The following CPT2 variants were observed in gnomAD, a reference collection of about 807,000 sequenced individuals.
The protein encoded by CPT2 is carnitine O-palmitoyltransferase 2, mitochondrial.
In CPT2, 37 loss-of-function variants were observed where a neutral mutation model predicts 48.6. The ratio of observed to expected loss-of-function variants is 0.76; its 90% CI spans 0.59 to 1.00. CPT2 has a LOEUF of 1.00. Among genes scored for constraint, CPT2 ranks in the 50% least tolerant of loss-of-function variants. CPT2 has a pLI of 0.00. For missense variants in CPT2, 772 were observed against 825.6 expected, an observed-to-expected ratio of 0.94 and a Z score of 0.80; for synonymous variants, 319 against 326.9, an observed-to-expected ratio of 0.98 and a Z score of 0.26.
At chr1:53,202,483 A>G in intron 3 of CPT2, 54 bp downstream of exon 3, 1 of 1,383,874 alleles carries the variant, frequency 7.2e-7, no homozygotes, top group Non-Finnish European at 1.0e-6. Flanking sequence ...CATAATGAAA[A>G]GTAAGGCATA....
chr1:53,209,827 A>G, intron 3 of CPT2, 188 bp from the exon 4 acceptor site: 1 of 619,398 alleles, frequency 1.6e-6, no homozygotes, highest in South Asian at 2.0e-5. Flanking sequence ...TAAATGCAAA[A>G]CACCATATAT....
chr1:53,202,416 A>G lies in CPT2; in HGVS notation c.327A>G (p.Thr109=). 4 of 1,613,812 alleles carry G rather than the reference A, an allele frequency of 2.5e-6. No individual in the cohort carries two copies. Among genetic ancestry groups the G allele is most frequent in the African/African-American group, 1.3e-5 (1 of 75,046 alleles). ...LVALDKQNKH[T]SYISGPWFDM... ...CTCTGGACAAACAGAATAAACATAC[A>G]AGCTACATTTCGGGTAGGTAGGCTG... Residue 109 remains threonine (T), a synonymous_variant, in exon 3 of 5, where the codon ACA becomes ACG. Coordinates refer to ENST00000371486, the MANE Select transcript of CPT2 (RefSeq NM_000098.3).
Position 53,209,973 on chromosome 1 carries a change from A to T in CPT2, c.341-42A>T, listed in dbSNP as rs773033766. 4 of 1,531,414 alleles carry T rather than the reference A, an allele frequency of 2.6e-6. No individual in the cohort carries two copies. The South Asian group carries it at 4.6e-5, about 17-fold the overall frequency. The allele number at this position is 1,531,414 out of a possible 1,614,324, so 94.9% of individuals were successfully genotyped here. A position where few individuals can be genotyped will look rare whatever the true frequency, so the allele number is the denominator to read the frequency against. On this transcript the variant is annotated intron_variant, in intron 3 of 4. Coordinates refer to ENST00000371486, the MANE Select transcript of CPT2 (RefSeq NM_000098.3). Reference sequence around the variant, plus strand: ...TTCTTCAAATTTTATTTTTAGGGACAGCATTAACATTTTATGTTATTTTTT... The same window carrying T: ...TTCTTCAAATTTTATTTTTAGGGACTGCATTAACATTTTATGTTATTTTTT...
chr1:53,213,638 AAACTGGGAGGCCG>A lies in CPT2; in HGVS notation c.*44_*56del, dbSNP rs757040620. 26 of 1,561,970 alleles carry A rather than the reference AAACTGGGAGGCCG, an allele frequency of 1.7e-5. No individual in the cohort carries two copies. The African/African-American group carries it at 3.0e-4, about 18-fold the overall frequency. On this transcript the variant is annotated 3_prime_UTR_variant, in exon 5 of 5. Transcript: ENST00000371486. ...AGCTACCATCACTTCCTCATCATGAAAACTGGGAGGCCGGGCATGGTGGCTCATGCCTGTAATC... is the reference window on the plus strand; with the variant it reads ...AGCTACCATCACTTCCTCATCATGAAGGCATGGTGGCTCATGCCTGTAATC...
chr1:53,202,388 T>C lies in CPT2; in HGVS notation c.299T>C (p.Val100Ala). The C allele has an allele frequency of 6.2e-7, 1 of 1,614,130 alleles. No homozygotes were observed. Among genetic ancestry groups the C allele is most frequent in the Non-Finnish European group, 8.5e-7 (1 of 1,179,960 alleles). ...GIGKELHEQL[V>A]ALDKQNKHTS... is the part of the protein sequence containing the mutation. ...GGAAAAGAACTGCATGAGCAGCTGG[T>C]TGCTCTGGACAAACAGAATAAACAT... The change falls in exon 3 of 5, where the codon GTT (valine) becomes GCT (alanine). Residue 100 changes from valine (V) to alanine (A), a missense_variant. By Grantham distance (64) the Val-to-Ala change is moderately conservative (BLOSUM62 0). Coordinates refer to ENST00000371486, the MANE Select transcript of CPT2 (RefSeq NM_000098.3).
chr1:53,202,801 TC>T (rs1645362626), intron 3 of CPT2: 1 of 290,106 alleles, frequency 3.4e-6, no homozygotes, highest in Non-Finnish European at 6.8e-6. Context: ...CTGACATACT[TC>T]CTGCTAAACT....
intron 1 of CPT2, 38 bp from the exon 2 acceptor site, chr1:53,200,681 A>G (rs1645349396): frequency 1.4e-6 from 2 of 1,473,316 alleles, no homozygotes; most frequent in Non-Finnish European, 1.9e-6. Flanking sequence ...CCTCTTCCAT[A>G]TACTGTCAGC....
At chr1:53,208,063 C>G (rs1645399100) in intron 3 of CPT2, 1 of 152,188 alleles carries the variant, frequency 6.6e-6, no homozygotes, top group Admixed American at 6.5e-5. Context: ...TGGTTTATGT[C>G]TCTTTGAAAT....
intron 1 of CPT2, among the ~76,000 whole-genome samples, chr1:53,198,010 C>T (rs796698998): frequency 1.3e-5 from 2 of 152,254 alleles, no homozygotes; most frequent in African/African-American, 4.8e-5. Flanking sequence ...CCCTTCCCTC[C>T]CCCAGTACTT....
Position 53,213,625 on chromosome 1 carries a change from TTCC to T in CPT2, c.*33_*35del, listed in dbSNP as rs753690164. ...TGGGCAGATGAAAAGCTACCATCAC[TTCC>T]TCATCATGAAAACTGGGAGGCCGGG... On this transcript the variant is annotated 3_prime_UTR_variant, in exon 5 of 5. Transcript: ENST00000371486. 6.3e-7 allele frequency: 1 copy of T among 1,590,626 alleles called. No individual in the cohort carries two copies. Among genetic ancestry groups the T allele is most frequent in the Non-Finnish European group, 8.6e-7 (1 of 1,163,794 alleles).
intron 3 of CPT2, among the ~76,000 whole-genome samples, chr1:53,206,044 T>C (rs1645387466): frequency 6.6e-6 from 1 of 151,326 alleles, no homozygotes; most frequent in Admixed American, 6.6e-5. Context: ...ATTAGCCGGG[T>C]GTGGTGGCGT....
At chr1:53,197,681 C>T (rs985608464) in intron 1 of CPT2, among the ~76,000 whole-genome samples, 3 of 151,954 alleles carry the variant, frequency 2.0e-5, no homozygotes, top group African/African-American at 7.3e-5. Context: ...TTGTCCTCAA[C>T]TGACCCTCCC....
In CPT2 at chr1:53,213,904, C is replaced by T. The variant is rs947254570; in HGVS notation, c.*309C>T. On this transcript the variant is annotated 3_prime_UTR_variant, in exon 5 of 5. Transcript: ENST00000371486. ...TCACACCACTGCACTCCGGCCTGGG[C>T]GACAGAGCGAGACTGTCTCAAAAAA... is the stretch of plus-strand genomic sequence containing the variant. 1.1e-5 allele frequency: 4 copies of T among 366,494 alleles called. No homozygotes were observed. The Admixed American group carries it at 1.6e-4, about 15-fold the overall frequency. 22.7% of individuals were successfully genotyped at this position (366,494 alleles called of 1,614,324 possible). A position where few individuals can be genotyped will look rare whatever the true frequency, so the allele number is the denominator to read the frequency against.
intron 1 of CPT2, among the ~76,000 whole-genome samples, chr1:53,198,828 T>A (rs1645339103): frequency 1.3e-5 from 2 of 152,022 alleles, no homozygotes; most frequent in Non-Finnish European, 2.9e-5. Context: ...GCAACCAACC[T>A]CCCCCAGACC....
At chr1:53,197,186 C>G in intron 1 of CPT2, 91 bp downstream of exon 1, 1 of 1,462,106 alleles carries the variant, frequency 6.8e-7, no homozygotes, top group African/African-American at 1.4e-5. Context: ...TCTAGTGAAC[C>G]CGTTTCCGCC....
At chr1:53,205,154 TTGAA>T (rs1240490444) in intron 3 of CPT2, among the ~76,000 whole-genome samples, 1 of 151,746 alleles carries the variant, frequency 6.6e-6, no homozygotes, top group Non-Finnish European at 1.5e-5. Flanking sequence ...TCTTAGAGAG[TTGAA>T]TGGTTTTGAC....
At chr1:53,200,152 A>G (rs955345032) in intron 1 of CPT2, 1 of 153,788 alleles carries the variant, frequency 6.5e-6, no homozygotes, top group African/African-American at 2.4e-5. Context: ...CACAGGGACT[A>G]TTTGGTTCTT....
At chr1:53,202,158 T>C in intron 2 of CPT2, 165 bp from the exon 3 acceptor site, 1 of 634,050 alleles carries the variant, frequency 1.6e-6, no homozygotes, top group Non-Finnish European at 2.9e-6. Context: ...GATTATCAAT[T>C]TTAGATTGAT....
At position 53,213,882 on chromosome 1, in the gene CPT2, C is replaced by T. The variant is rs895234736; in HGVS notation, c.*287C>T. 4.9e-6 allele frequency: 2 copies of T among 406,066 alleles called. No homozygotes were observed. Among genetic ancestry groups the T allele is most frequent in the Non-Finnish European group, 9.3e-6 (2 of 215,598 alleles). 25.2% of individuals were successfully genotyped at this position (406,066 alleles called of 1,614,324 possible). A position where few individuals can be genotyped will look rare whatever the true frequency, so the allele number is the denominator to read the frequency against. ...TGGAGGTTGCAGTGAGCTGAGATCA[C>T]ACCACTGCACTCCGGCCTGGGCGAC... On this transcript the variant is annotated 3_prime_UTR_variant, in exon 5 of 5. Transcript: ENST00000371486.
Sources: allele counts gnomAD v4.1 joint callset (sites outside exome capture counted in the v4.1 genomes callset), GRCh38; gene constraint gnomAD v4.1.1; transcripts MANE v1.5; gene names NCBI Gene and HGNC (gene_info 2026-07-23, HGNC 2026-07-21).